The following DACH2 variants were observed in gnomAD, a reference collection of about 807,000 sequenced individuals.
The protein encoded by DACH2 is dachshund homolog 2.
A neutral mutation model predicts 35.8 loss-of-function variants in DACH2; 17 were observed. The ratio of observed to expected loss-of-function variants is 0.48; its 90% CI spans 0.33 to 0.71. The LOEUF (loss-of-function observed/expected upper bound fraction) is 0.71. DACH2 is among the 30% of genes least tolerant of loss of function. The pLI, the probability that DACH2 is intolerant of heterozygous loss-of-function variation, is 0.02. For missense variants in DACH2, 469 were observed against 472.7 expected (o/e 0.99, Z 0.07); for synonymous variants, 195 against 177.3 (o/e 1.10, Z -0.79).
chrX:86,541,244 C>T (rs1321858023), intron 3 of DACH2, among the ~76,000 whole-genome samples: 3 of 111,610 alleles, frequency 2.7e-5, no homozygotes, highest in East Asian at 5.6e-4. Flanking sequence ...ATATATGCTC[C>T]TTAGCACACA....
chrX:86,617,365 G>T (rs916275233), intron 3 of DACH2, among the ~76,000 whole-genome samples: 2 of 110,692 alleles, frequency 1.8e-5, no homozygotes, highest in East Asian at 2.8e-4. Flanking sequence ...ATTTCTTTGG[G>T]CAGTATGGCC....
intron 3 of DACH2, among the ~76,000 whole-genome samples, chrX:86,534,199 G>C (rs2038763924): frequency 1.8e-5 from 2 of 111,890 alleles, no homozygotes; most frequent in Non-Finnish European, 3.8e-5. Context: ...CAAAACAAAA[G>C]ATGGTGGGAG....
At position 86,723,964 on chromosome X, in the gene DACH2, G is replaced by A. The variant is rs187685637; in HGVS notation, c.1104+9244G>A. On this transcript the variant is annotated intron_variant, in intron 6 of 11. Coordinates refer to ENST00000373125, the MANE Select transcript of DACH2 (RefSeq NM_053281.3). ...TCCTGCTGGCTTTTGATTTTCATTT[G>A]CATGAAATATCTTTTTTTTCACCCC... 1.5e-3 allele frequency among the ~76,000 whole-genome samples: 161 copies of A among 109,622 alleles called. 2 individuals carry two copies. Among genetic ancestry groups the A allele is most frequent in the African/African-American group, 5.0e-3 (152 of 30,215 alleles).
intron 1 of DACH2, among the ~76,000 whole-genome samples, chrX:86,375,761 C>G (rs1402318027): frequency 9.2e-6 from 1 of 109,177 alleles, no homozygotes; most frequent in Non-Finnish European, 1.9e-5. Context: ...AGAACGCTCT[C>G]TACAGACTTT....
intron 3 of DACH2, among the ~76,000 whole-genome samples, chrX:86,560,436 G>T (rs2039197577): frequency 1.0e-5 from 1 of 99,352 alleles, no homozygotes; most frequent in African/African-American, 3.9e-5. Context: ...TGCTCTTCTT[G>T]AGGAGTATCT....
rs149769860 is a variant in DACH2 at position 86,416,905 on chromosome X, C to T, written c.527+40043C>T. On this transcript the variant is annotated intron_variant, in intron 2 of 11. Coordinates refer to ENST00000373125, the MANE Select transcript of DACH2 (RefSeq NM_053281.3). ...CCTGAGGTCAGGATTTCGAGCCTGG[C>T]CAATATGGCGAAACCCCGTCACTAC... Among the ~76,000 whole-genome samples the T allele has an allele frequency of 9.2e-5, 10 of 109,217 alleles. No homozygotes were observed. In the East Asian group the frequency reaches 2.9e-3, roughly 32 times the overall value. 94.8% of individuals were successfully genotyped at this position (109,217 alleles called of 115,157 possible). A position where few individuals can be genotyped will look rare whatever the true frequency, so the allele number is the denominator to read the frequency against.
chrX:86,624,362 A>G (rs1340762378), intron 3 of DACH2, among the ~76,000 whole-genome samples: 2 of 112,169 alleles, frequency 1.8e-5, no homozygotes, highest in Non-Finnish European at 3.8e-5. Context: ...CATGAGGTAC[A>G]TGGCAATTTA....
At chrX:86,412,605 G>A (rs2036632935) in intron 2 of DACH2, among the ~76,000 whole-genome samples, 1 of 111,967 alleles carries the variant, frequency 8.9e-6, no homozygotes, top group Non-Finnish European at 1.9e-5. Context: ...CTTGGTCAGA[G>A]GCAATGCTGT....
intron 2 of DACH2, among the ~76,000 whole-genome samples, chrX:86,486,488 C>G (rs1420038518): frequency 9.0e-6 from 1 of 110,675 alleles, no homozygotes; most frequent in East Asian, 2.8e-4. Context: ...TTGCCTTTAT[C>G]TAGGTTTGCT....
At chrX:86,391,282 TAAAAAAAAAAAAAAAAAAAAAAAAAA>T (rs55941702) in intron 2 of DACH2, among the ~76,000 whole-genome samples, 1 of 21,428 alleles carries the variant, frequency 4.7e-5, no homozygotes, top group Non-Finnish European at 7.8e-5. Context: ...GGCTCTGTCT[TAAAAAAAAAAAAAAAAAAAAAAAAAA>T]AAAAAAAAAA....
intron 1 of DACH2, among the ~76,000 whole-genome samples, chrX:86,331,174 C>T (rs764637783): frequency 7.6e-4 from 84 of 111,158 alleles, no homozygotes; most frequent in African/African-American, 2.3e-3. Flanking sequence ...CAAATCAAAC[C>T]GTTTTTGCTA....
At chrX:86,228,815 G>GT (rs745889508) in intron 1 of DACH2, among the ~76,000 whole-genome samples, 4 of 110,170 alleles carry the variant, frequency 3.6e-5, no homozygotes, top group South Asian at 3.8e-4. Context: ...GCGATTGATT[G>GT]TTTTTTTTCG....
chrX:86,656,285 G>C (rs962658405), intron 4 of DACH2, among the ~76,000 whole-genome samples: 1 of 110,598 alleles, frequency 9.0e-6, no homozygotes, highest in Non-Finnish European at 1.9e-5. Context: ...AGCACCTGTT[G>C]ATTACAATCT....
At chrX:86,669,795 T>C (rs928443316) in intron 4 of DACH2, among the ~76,000 whole-genome samples, 1 of 111,559 alleles carries the variant, frequency 9.0e-6, no homozygotes, top group African/African-American at 3.2e-5. Flanking sequence ...GAAATTTTCC[T>C]AAACCCTGGG....
chrX:86,341,481 A>G (rs1425513822), intron 1 of DACH2, among the ~76,000 whole-genome samples: 3 of 112,254 alleles, frequency 2.7e-5, no homozygotes, highest in African/African-American at 9.7e-5. Context: ...ATTACTGTTC[A>G]TTGACAAAGC....
chrX:86,223,709 C>T (rs905108290), intron 1 of DACH2, among the ~76,000 whole-genome samples: 3 of 111,768 alleles, frequency 2.7e-5, no homozygotes, highest in Non-Finnish European at 5.7e-5. Flanking sequence ...TGACAAATTC[C>T]GTTTTCAAGA....
At chrX:86,441,839 A>G (rs1712139453) in intron 2 of DACH2, among the ~76,000 whole-genome samples, 1 of 102,608 alleles carries the variant, frequency 9.7e-6, no homozygotes, top group Non-Finnish European at 2.0e-5. Context: ...ATATTATTAT[A>G]TATATTATAC....
At chrX:86,705,803 AC>A (rs1158993624) in intron 5 of DACH2, among the ~76,000 whole-genome samples, 1 of 111,832 alleles carries the variant, frequency 8.9e-6, no homozygotes, top group Non-Finnish European at 1.9e-5. Context: ...TATGCTTACC[AC>A]AGCACAATTC....
intron 6 of DACH2, among the ~76,000 whole-genome samples, chrX:86,717,844 A>G (rs12559582): frequency 0.22 from 23,367 of 105,056 alleles, 2,248 homozygotes; most frequent in Admixed American, 0.44. Context: ...ATATATTTTT[A>G]TATATATTCA....
Sources: gnomAD v4.1 joint callset for allele counts (sites outside exome capture counted in the v4.1 genomes callset) on GRCh38, gnomAD v4.1.1 for gene constraint, MANE v1.5 for transcripts, NCBI Gene and HGNC (gene_info 2026-07-23, HGNC 2026-07-21) for gene names.